The following SGPP2 variants were observed in gnomAD, a reference collection of about 807,000 sequenced individuals.
SGPP2 encodes the protein sphingosine-1-phosphate phosphatase 2.
A neutral mutation model predicts 33.9 loss-of-function variants in SGPP2; 30 were observed. The observed-to-expected ratio is 0.89, with a 90% CI of 0.66 to 1.20. The LOEUF is 1.20. Among genes scored for constraint, SGPP2 ranks in the 50% most tolerant of loss-of-function variants. SGPP2 has a pLI of 0.00. For missense variants in SGPP2, 458 were observed against 532.1 expected (o/e 0.86, Z 1.37); for synonymous variants, 233 against 225.0 (o/e 1.04, Z -0.32).
At chr2:222,484,204 A>G (rs1305507463) in intron 2 of SGPP2, among the ~76,000 whole-genome samples, 1 of 152,118 alleles carries the variant, frequency 6.6e-6, no homozygotes, top group Non-Finnish European at 1.5e-5. Flanking sequence ...CAGAAAAATG[A>G]TTCTCTTTTT....
intron 1 of SGPP2, among the ~76,000 whole-genome samples, chr2:222,461,850 G>C (rs775483682): frequency 5.9e-5 from 9 of 152,112 alleles, no homozygotes; most frequent in Non-Finnish European, 1.2e-4. Context: ...CCTGCTCTTA[G>C]GTTCTGTTCA....
chr2:222,524,460 C>T (rs374773813), intron 3 of SGPP2, among the ~76,000 whole-genome samples: 11 of 152,328 alleles, frequency 7.2e-5, no homozygotes, highest in East Asian at 3.9e-4. Flanking sequence ...GATATCTGGA[C>T]GCAAATATGC....
At chr2:222,486,974 A>T (rs1258037898) in intron 2 of SGPP2, among the ~76,000 whole-genome samples, 1 of 152,012 alleles carries the variant, frequency 6.6e-6, no homozygotes, top group Non-Finnish European at 1.5e-5. Flanking sequence ...TTGATTTGAG[A>T]GTAAGTCACC....
intron 2 of SGPP2, among the ~76,000 whole-genome samples, chr2:222,507,861 T>G (rs1347642523): frequency 6.6e-6 from 1 of 152,242 alleles, no homozygotes; most frequent in East Asian, 1.9e-4. Context: ...TTTTAACAGT[T>G]ACATAATTTA....
At chr2:222,503,926 T>C (rs1574865266) in intron 2 of SGPP2, 1 of 152,174 alleles carries the variant, frequency 6.6e-6, no homozygotes, top group African/African-American at 2.4e-5. Flanking sequence ...TCAATTCCTA[T>C]GGCCAGATTT....
chr2:222,494,002 C>A (rs146772306), intron 2 of SGPP2, among the ~76,000 whole-genome samples: 1 of 152,194 alleles, frequency 6.6e-6, no homozygotes, highest in Non-Finnish European at 1.5e-5. Flanking sequence ...TATAAAAGAA[C>A]AACCTGATGT....
chr2:222,431,191 A>T (rs948245246), intron 1 of SGPP2, among the ~76,000 whole-genome samples: 2 of 8,622 alleles, frequency 2.3e-4, no homozygotes, highest in Admixed American at 2.4e-3. Flanking sequence ...ACTTTTCTTA[A>T]AAAAAAAAAA....
At chr2:222,542,973 T>C (rs537239156) in intron 4 of SGPP2, among the ~76,000 whole-genome samples, 9 of 152,154 alleles carry the variant, frequency 5.9e-5, no homozygotes, top group Non-Finnish European at 1.0e-4. Flanking sequence ...TTATTACTCA[T>C]AGAGATGAGG....
chr2:222,486,220 C>T (rs887414911), intron 2 of SGPP2, among the ~76,000 whole-genome samples: 16 of 152,298 alleles, frequency 1.1e-4, no homozygotes, highest in African/African-American at 3.6e-4. Flanking sequence ...GAAACTGAGG[C>T]TTTCTGAATT....
chr2:222,544,200 C>T lies in SGPP2; in HGVS notation c.649-14147C>T, dbSNP rs541759698. On this transcript the variant is annotated intron_variant, in intron 4 of 4. Transcript: ENST00000321276. ...AGAAGTTAAGTAACCTGACCAAGGT[C>T]GTGTAGCTGTTAAAAGGCTGAACTG... Among the ~76,000 whole-genome samples, 9 of 152,300 alleles carry T rather than the reference C, an allele frequency of 5.9e-5. No homozygotes were observed. The East Asian group carries it at 1.7e-3, about 29-fold the overall frequency.
rs200204871 is a variant in SGPP2 at position 222,477,720 on chromosome 2, C to T, written c.378+2994C>T. 6.6e-6 allele frequency among the ~76,000 whole-genome samples: 1 copy of T among 152,060 alleles called. No individual in the cohort carries two copies. Among genetic ancestry groups the T allele is most frequent in the East Asian group, 1.9e-4 (1 of 5,188 alleles). ...TCTGCTCATGGCCAATTATCTCCCC[C>T]ACTGAGGGTGGAAAACTTTCCCTGA... On this transcript the variant is annotated intron_variant, in intron 2 of 4. Coordinates refer to ENST00000321276, the MANE Select transcript of SGPP2 (RefSeq NM_152386.4). The surrounding 1 kb of genome is among the most constrained non-coding windows in gnomAD (Gnocchi z 6.0).
chr2:222,474,016 G>A (rs1211157058), intron 1 of SGPP2, among the ~76,000 whole-genome samples: 1 of 152,208 alleles, frequency 6.6e-6, no homozygotes, highest in East Asian at 1.9e-4. Flanking sequence ...ACAGACATCT[G>A]AAGTACCCTG....
chr2:222,530,510 TCTTTC>T (rs1698822616), intron 4 of SGPP2, among the ~76,000 whole-genome samples: 1 of 152,234 alleles, frequency 6.6e-6, no homozygotes, highest in South Asian at 2.1e-4. Context: ...GAACACGGCT[TCTTTC>T]CTTAAACCTC....
chr2:222,444,059 G>A (rs1697363742), intron 1 of SGPP2, among the ~76,000 whole-genome samples: 1 of 152,192 alleles, frequency 6.6e-6, no homozygotes, highest in African/African-American at 2.4e-5. Context: ...CAACACTGCT[G>A]TTGCTGCTAC....
intron 2 of SGPP2, chr2:222,504,726 C>CCA (rs1698419116): frequency 6.6e-6 from 1 of 152,198 alleles, no homozygotes; most frequent in Non-Finnish European, 1.5e-5. Context: ...GACACGTAGT[C>CCA]CCTATTGCTG....
chr2:222,556,184 G>C (rs1190416076), intron 4 of SGPP2, among the ~76,000 whole-genome samples: 1 of 152,142 alleles, frequency 6.6e-6, no homozygotes, highest in Non-Finnish European at 1.5e-5. Context: ...GGCAACATGT[G>C]TAGAAAACCC....
chr2:222,546,101 T>C (rs768798781), intron 4 of SGPP2, among the ~76,000 whole-genome samples: 1 of 152,232 alleles, frequency 6.6e-6, no homozygotes, highest in Non-Finnish European at 1.5e-5. Context: ...ACATGCTCAC[T>C]TGGGAAAGGA....
chr2:222,442,995 A>G (rs1697348961), intron 1 of SGPP2, among the ~76,000 whole-genome samples: 1 of 152,186 alleles, frequency 6.6e-6, no homozygotes, highest in African/African-American at 2.4e-5. Flanking sequence ...AATGCCTCCG[A>G]AGTAATTGTC....
chr2:222,434,975 T>TACACACAC (rs71053082), intron 1 of SGPP2, among the ~76,000 whole-genome samples: 2,999 of 146,016 alleles, frequency 0.021, 49 homozygotes, highest in Non-Finnish European at 0.032. Flanking sequence ...TGGAGATATA[T>TACACACAC]ACACACACAC....
Sources: allele counts gnomAD v4.1 joint callset (sites outside exome capture counted in the v4.1 genomes callset), GRCh38; gene constraint gnomAD v4.1.1; non-coding constraint Gnocchi (gnomAD v3.1); transcripts MANE v1.5; gene names NCBI Gene and HGNC (gene_info 2026-07-23, HGNC 2026-07-21).